RASGEF1A: variants seen among roughly 807,000 people sequenced by gnomAD.
RASGEF1A encodes the protein ras-GEF domain-containing family member 1A.
Under a neutral mutation model 56.4 loss-of-function variants are expected in RASGEF1A, and 18 were observed. That is an observed-to-expected ratio of 0.32 (90% confidence interval 0.22 to 0.47). The LOEUF (loss-of-function observed/expected upper bound fraction) is 0.47. Among genes scored for constraint, RASGEF1A ranks in the 20% least tolerant of loss-of-function variants. The pLI, the probability that RASGEF1A is intolerant of heterozygous loss-of-function variation, is 1.00. For missense variants in RASGEF1A, 422 were observed against 627.1 expected, an observed-to-expected ratio of 0.67 and a Z score of 3.49; for synonymous variants, 245 against 242.6, an observed-to-expected ratio of 1.01 and a Z score of -0.09.
intron 1 of RASGEF1A, among the ~76,000 whole-genome samples, chr10:43,216,598 T>C (rs1173924534): frequency 6.6e-6 from 1 of 152,152 alleles, no homozygotes; most frequent in Non-Finnish European, 1.5e-5. Flanking sequence ...TCCTGGATAG[T>C]AGACAGTGCT....
intron 1 of RASGEF1A, among the ~76,000 whole-genome samples, chr10:43,249,918 GT>G (rs1377778988): frequency 5.9e-5 from 9 of 152,350 alleles, no homozygotes; most frequent in South Asian, 2.1e-4. Flanking sequence ...TTTCACGTGT[GT>G]TTAAAAGCAA....
At chr10:43,261,645 C>T (rs889479272) in intron 1 of RASGEF1A, among the ~76,000 whole-genome samples, 5 of 152,214 alleles carry the variant, frequency 3.3e-5, no homozygotes, top group African/African-American at 1.2e-4. Context: ...GTCCACTCAC[C>T]CTGCCTCCAG....
intron 1 of RASGEF1A, among the ~76,000 whole-genome samples, chr10:43,240,504 G>T (rs1840487360): frequency 6.6e-6 from 1 of 152,036 alleles, no homozygotes; most frequent in Non-Finnish European, 1.5e-5. Flanking sequence ...ATCAAACAGA[G>T]AATATCAATA....
At chr10:43,239,198 T>C (rs530202083) in intron 1 of RASGEF1A, among the ~76,000 whole-genome samples, 6 of 152,216 alleles carry the variant, frequency 3.9e-5, no homozygotes, top group African/African-American at 1.4e-4. Flanking sequence ...CAAGGTGCTT[T>C]ACAGTCTTTG....
chr10:43,220,684 C>T (rs1242576605), intron 1 of RASGEF1A, among the ~76,000 whole-genome samples: 2 of 151,982 alleles, frequency 1.3e-5, no homozygotes, highest in Non-Finnish European at 2.9e-5. Flanking sequence ...ACTCCAGAGG[C>T]TGAGGCATGA....
At chr10:43,199,259 G>T in intron 7 of RASGEF1A, 65 bp from the exon 8 acceptor site, 1 of 1,292,898 alleles carries the variant, frequency 7.7e-7, no homozygotes, top group Non-Finnish European at 1.1e-6. Context: ...GGGCCGCCGG[G>T]CAGAGGAACA....
chr10:43,259,153 C>A (rs191242570), intron 1 of RASGEF1A, among the ~76,000 whole-genome samples: 1 of 152,240 alleles, frequency 6.6e-6, no homozygotes, highest in Non-Finnish European at 1.5e-5. Context: ...GAAGAACCCA[C>A]AGACACTCAC....
At chr10:43,215,797 T>C (rs1840129007) in intron 1 of RASGEF1A, among the ~76,000 whole-genome samples, 2 of 152,066 alleles carry the variant, frequency 1.3e-5, no homozygotes, top group Admixed American at 1.3e-4. Flanking sequence ...GATGGCGACA[T>C]GATATTCTGG....
chr10:43,247,069 AATG>A (rs1252921956), intron 1 of RASGEF1A, among the ~76,000 whole-genome samples: 34 of 152,380 alleles, frequency 2.2e-4, no homozygotes, highest in African/African-American at 8.2e-4. Flanking sequence ...CTTACAATTC[AATG>A]ATAAAAAGAT....
chr10:43,229,345 G>T (rs983071173), intron 1 of RASGEF1A, among the ~76,000 whole-genome samples: 2 of 152,198 alleles, frequency 1.3e-5, no homozygotes, highest in African/African-American at 4.8e-5. Flanking sequence ...CCCTCAAGTC[G>T]TCCGGGCTCC....
chr10:43,246,944 T>G (rs1840572817), intron 1 of RASGEF1A, among the ~76,000 whole-genome samples: 1 of 152,214 alleles, frequency 6.6e-6, no homozygotes, highest in Admixed American at 6.5e-5. Flanking sequence ...TTGAAAAACT[T>G]GTGCTTCAAA....
intron 1 of RASGEF1A, among the ~76,000 whole-genome samples, chr10:43,246,213 T>A (rs188839546): frequency 4.6e-4 from 70 of 152,292 alleles, no homozygotes; most frequent in Middle Eastern, 3.4e-3. Context: ...AACAAAAGTA[T>A]AAGACTTGTA....
intron 1 of RASGEF1A, among the ~76,000 whole-genome samples, chr10:43,258,600 G>C (rs1206745178): frequency 6.6e-6 from 1 of 152,208 alleles, no homozygotes; most frequent in Admixed American, 6.5e-5. Flanking sequence ...TGGGCCGAGG[G>C]GCACCACCAG....
chr10:43,250,420 A>G (rs898345230), intron 1 of RASGEF1A, among the ~76,000 whole-genome samples: 8 of 152,248 alleles, frequency 5.3e-5, no homozygotes, highest in African/African-American at 1.9e-4. Context: ...GACCCAGGAC[A>G]GTGCCAATTC....
Position 43,240,327 on chromosome 10 carries a change from A to C in RASGEF1A, c.-7+26518T>G, listed in dbSNP as rs76183209. On this transcript the variant is annotated intron_variant, in intron 1 of 12. Coordinates refer to ENST00000395810, the MANE Select transcript of RASGEF1A (RefSeq NM_145313.4). Reference sequence around the variant, plus strand: ...CAGAAATGTCACAAAACAAACAACCATTACTACAATAAACAGCAGCAACAA... The same window carrying C: ...CAGAAATGTCACAAAACAAACAACCCTTACTACAATAAACAGCAGCAACAA... Among the ~76,000 whole-genome samples the C allele has an allele frequency of 3.8e-3, 581 of 152,344 alleles. 5 individuals carry two copies. The highest frequency in any genetic ancestry group is 7.1e-3 in the Non-Finnish European group (486 of 68,032).
chr10:43,198,196 C>T lies in RASGEF1A; in HGVS notation c.1033-1G>A, dbSNP rs1455395798. 4 of 1,606,662 alleles carry T rather than the reference C, an allele frequency of 2.5e-6. No individual in the cohort carries two copies. Among genetic ancestry groups the T allele is most frequent in the South Asian group, 1.1e-5 (1 of 90,686 alleles). ...AGTTGCTGGACGGGTCCATGTGATG[C>T]TGTGGGCACAGGGAGGACCTGGTGA... On this transcript the variant is annotated splice_acceptor_variant, in intron 9 of 12. Coordinates refer to ENST00000395810, the MANE Select transcript of RASGEF1A (RefSeq NM_145313.4). LOFTEE classifies it high-confidence loss of function.
intron 1 of RASGEF1A, among the ~76,000 whole-genome samples, chr10:43,256,197 T>C (rs1214160039): frequency 6.6e-6 from 1 of 151,918 alleles, no homozygotes; most frequent in Non-Finnish European, 1.5e-5. Context: ...GTGAGGATGC[T>C]GAGGGGGCCT....
chr10:43,200,641 C>G, intron 5 of RASGEF1A, 26 bp downstream of exon 5: 2 of 1,587,468 alleles, frequency 1.3e-6, no homozygotes, highest in Non-Finnish European at 1.7e-6. Flanking sequence ...CCCCCACCCC[C>G]AGTCAGGGCA....
chr10:43,259,808 C>A (rs1189073094), intron 1 of RASGEF1A, among the ~76,000 whole-genome samples: 1 of 152,120 alleles, frequency 6.6e-6, no homozygotes, highest in East Asian at 1.9e-4. Flanking sequence ...TGGGGCCATC[C>A]AGCTGAGCCC....
Sources: gnomAD v4.1 joint callset for allele counts (sites outside exome capture counted in the v4.1 genomes callset) on GRCh38, gnomAD v4.1.1 for gene constraint, MANE v1.5 for transcripts, NCBI Gene and HGNC (gene_info 2026-07-23, HGNC 2026-07-21) for gene names.